Variants in MKLN1 observed in about 807,000 individuals in gnomAD.
The protein encoded by MKLN1 is muskelin 1.
A neutral mutation model predicts 99.0 loss-of-function variants in MKLN1; 18 were observed. That is an observed-to-expected ratio of 0.18 (90% CI 0.13 to 0.27). MKLN1 has a LOEUF of 0.27. MKLN1 is among the 10% of genes least tolerant of loss of function. The probability of loss-of-function intolerance (pLI) is 1.00; values close to 1 mark genes in which losing one functional copy is unlikely to be tolerated. For missense variants in MKLN1, 621 were observed against 875.9 expected (o/e 0.71, Z 3.67); for synonymous variants, 288 against 293.2 (o/e 0.98, Z 0.18).
intron 2 of MKLN1, among the ~76,000 whole-genome samples, chr7:131,143,112 A>G (rs1421901051): frequency 6.6e-6 from 1 of 152,188 alleles, no homozygotes; most frequent in Non-Finnish European, 1.5e-5. Context: ...GTGTACAAAG[A>G]AATGTTGTGA....
chr7:131,378,679 A>G (rs191978669), intron 2 of MKLN1, among the ~76,000 whole-genome samples: 10 of 152,098 alleles, frequency 6.6e-5, no homozygotes, highest in African/African-American at 2.2e-4. Context: ...AAAATACAAA[A>G]AGTAGTCGGG....
intron 3 of MKLN1, among the ~76,000 whole-genome samples, chr7:131,245,395 G>A (rs2116502881): frequency 6.6e-6 from 1 of 151,588 alleles, no homozygotes; most frequent in East Asian, 2.0e-4. Context: ...AGCCTCCCGA[G>A]TAGCTGGGAT....
intron 3 of MKLN1, among the ~76,000 whole-genome samples, chr7:131,221,927 A>G (rs1797066332): frequency 6.6e-6 from 1 of 151,516 alleles, no homozygotes. Context: ...TTATTTTGAC[A>G]TGGAGTGTTG....
chr7:131,227,495 C>CTTTCTCTTTCTTTCTTTCTTTCTT (rs767797052), intron 3 of MKLN1, among the ~76,000 whole-genome samples: 1 of 115,710 alleles, frequency 8.6e-6, no homozygotes, highest in African/African-American at 3.4e-5. Context: ...CTCTTTCTTT[C>CTTTCTCTTTCTTTCTTTCTTTCTT]TCTTTCTTTC....
intron 10 of MKLN1, among the ~76,000 whole-genome samples, chr7:131,438,403 C>T (rs962149932): frequency 1.3e-5 from 2 of 150,484 alleles, no homozygotes; most frequent in Non-Finnish European, 3.0e-5. Context: ...AGCTTTTCTT[C>T]CAGTTAGAGT....
chr7:131,450,893 A>T (rs911856340), intron 12 of MKLN1, among the ~76,000 whole-genome samples: 2 of 152,348 alleles, frequency 1.3e-5, no homozygotes, highest in South Asian at 2.1e-4. Context: ...TTCAAAACCT[A>T]TACAAAGATC....
chr7:131,320,957 C>T (rs1029956379), intron 3 of MKLN1, among the ~76,000 whole-genome samples: 4 of 152,144 alleles, frequency 2.6e-5, no homozygotes, highest in Non-Finnish European at 5.9e-5. Flanking sequence ...TGTGGAGAAA[C>T]AGGAATGCTT....
rs769178307 is a variant in MKLN1 at position 131,466,402 on chromosome 7, A to G, written c.1915A>G (p.Ile639Val). Reference sequence around the variant, plus strand: ...TTTACTGAGGCATTGCAAGTACCTCATAAGAAAACACAGGTATGAAAATAA... The same window carrying G: ...TTTACTGAGGCATTGCAAGTACCTCGTAAGAAAACACAGGTATGAAAATAA... ...DYLLRHCKYL[I>V]RKHRFEEKAQ... Residue 639 changes from isoleucine to valine, a missense_variant, in exon 15 of 18, where the codon ATA (isoleucine) becomes GTA (valine). Physicochemically the swap from Ile to Val is conservative, Grantham distance 29. Coordinates refer to ENST00000352689, the MANE Select transcript of MKLN1 (RefSeq NM_013255.5). 2.5e-6 allele frequency: 4 copies of G among 1,586,176 alleles called. No homozygotes were observed. Among genetic ancestry groups the G allele is most frequent in the East Asian group, 4.5e-5 (2 of 44,466 alleles).
intron 3 of MKLN1, among the ~76,000 whole-genome samples, chr7:131,275,278 A>G (rs1406815575): frequency 6.6e-6 from 1 of 151,470 alleles, no homozygotes; most frequent in East Asian, 1.9e-4. Context: ...TCTCATTCAT[A>G]AGGACTCTAC....
chr7:131,159,503 G>A (rs1394105081), intron 2 of MKLN1, among the ~76,000 whole-genome samples: 1 of 152,138 alleles, frequency 6.6e-6, no homozygotes, highest in Non-Finnish European at 1.5e-5. Flanking sequence ...ACTCATATCT[G>A]AGAGCTAAAA....
chr7:131,459,048 G>T (rs1025687863), intron 12 of MKLN1, among the ~76,000 whole-genome samples: 1 of 152,174 alleles, frequency 6.6e-6, no homozygotes, highest in African/African-American at 2.4e-5. Flanking sequence ...CCAAAGATAC[G>T]GGGAAAACTG....
chr7:131,397,164 T>C lies in MKLN1; in HGVS notation c.401-103T>C, dbSNP rs1794384869. On this transcript the variant is annotated intron_variant, in intron 4 of 17. Coordinates refer to ENST00000352689, the MANE Select transcript of MKLN1 (RefSeq NM_013255.5). ...ATATAAAAGATGCCCAGAAAATTCG[T>C]TGAATGAATCCTTATAAGGTTGAAT... 5 of 734,864 alleles carry C rather than the reference T, an allele frequency of 6.8e-6. 1 individual carries two copies. The highest frequency in any genetic ancestry group is 2.8e-5 in the Admixed American group (1 of 35,672). The allele number at this position is 734,864 out of a possible 1,614,324, so 45.5% of individuals were successfully genotyped here.
chr7:131,120,813 C>G (rs1188261632), intron 1 of MKLN1, among the ~76,000 whole-genome samples: 1 of 152,172 alleles, frequency 6.6e-6, no homozygotes, highest in Non-Finnish European at 1.5e-5. Flanking sequence ...CTAGGAAGTT[C>G]CAAACTTTCC....
At chr7:131,128,629 AT>A (rs1384486939) in intron 1 of MKLN1, among the ~76,000 whole-genome samples, 3 of 152,058 alleles carry the variant, frequency 2.0e-5, no homozygotes, top group Non-Finnish European at 2.9e-5. Context: ...GAAATTCTAG[AT>A]TTTTTTTCAT....
intron 1 of MKLN1, among the ~76,000 whole-genome samples, chr7:131,354,254 C>T (rs1335134480): frequency 1.3e-5 from 2 of 151,960 alleles, no homozygotes; most frequent in African/African-American, 2.4e-5. Flanking sequence ...TTCCAGTCCA[C>T]GAGCACAATA....
intron 3 of MKLN1, chr7:131,242,465 G>T: frequency 4.6e-6 from 1 of 216,858 alleles, no homozygotes; most frequent in South Asian, 6.3e-5. Context: ...GAGCCCAGGA[G>T]TTTGAGACTA....
intron 6 of MKLN1, among the ~76,000 whole-genome samples, chr7:131,406,380 T>C (rs1794707963): frequency 2.6e-5 from 4 of 152,032 alleles, no homozygotes; most frequent in African/African-American, 7.2e-5. Context: ...ACAAAATTGA[T>C]CAGTGCCTTT....
intron 9 of MKLN1, among the ~76,000 whole-genome samples, chr7:131,431,286 C>T (rs1290500713): frequency 1.3e-5 from 2 of 152,076 alleles, no homozygotes; most frequent in Non-Finnish European, 2.9e-5. Context: ...TCCTATGACA[C>T]CTCTGCTTAA....
At chr7:131,365,369 G>A (rs541372910) in intron 1 of MKLN1, among the ~76,000 whole-genome samples, 1 of 152,248 alleles carries the variant, frequency 6.6e-6, no homozygotes, top group South Asian at 2.1e-4. Context: ...TACATAGTTT[G>A]CAAATATTTT....
Sources: gnomAD v4.1 joint callset for allele counts (sites outside exome capture counted in the v4.1 genomes callset) on GRCh38, gnomAD v4.1.1 for gene constraint, MANE v1.5 for transcripts, NCBI Gene and HGNC (gene_info 2026-07-23, HGNC 2026-07-21) for gene names.